ATG16L1: variants seen among roughly 807,000 people sequenced by gnomAD.
The protein encoded by ATG16L1 is autophagy-related protein 16-1.
A neutral mutation model predicts 88.5 loss-of-function variants in ATG16L1; 37 were observed. That is an observed-to-expected ratio of 0.42 (90% CI 0.32 to 0.55). ATG16L1 has a LOEUF of 0.55. Ranked by LOEUF, ATG16L1 falls within the 20% of genes least tolerant of loss-of-function variation. The probability of loss-of-function intolerance (pLI) is 0.13; values close to 1 mark genes in which losing one functional copy is unlikely to be tolerated. For synonymous variants in ATG16L1, 301 were observed against 281.0 expected (o/e 1.07, Z -0.71); for missense variants, 554 against 752.8 (o/e 0.74, Z 3.09).
intron 17 of ATG16L1, among the ~76,000 whole-genome samples, chr2:233,293,622 G>A (rs1260333832): frequency 0.038 from 1 of 26 alleles, no homozygotes; most frequent in African/African-American, 0.12. Context: ...TGACTCTTTG[G>A]TTATGTCCAC....
Position 233,294,249 on chromosome 2 carries a change from C to T in ATG16L1, c.1731-8C>T. ...AAACTTGGTGCTTTTCTGATCTCTCCTTTGAAGCTCATCCATCAATGCGGT... is the reference window on the plus strand; with the variant it reads ...AAACTTGGTGCTTTTCTGATCTCTCTTTTGAAGCTCATCCATCAATGCGGT... On this transcript the variant is annotated splice_region_variant and splice_polypyrimidine_tract_variant and intron_variant, in intron 17 of 17. Transcript: ENST00000392017. 3.8e-6 allele frequency: 6 copies of T among 1,593,176 alleles called. No homozygotes were observed. The highest frequency in any genetic ancestry group is 1.8e-5 in the Admixed American group (1 of 56,894).
chr2:233,290,254 A>G lies in ATG16L1; in HGVS notation c.1331A>G (p.Lys444Arg). 6.2e-7 allele frequency: 1 copy of G among 1,614,160 alleles called. No homozygotes were observed. Among genetic ancestry groups the G allele is most frequent in the East Asian group, 2.2e-5 (1 of 44,884 alleles). ...ATGTTTGCATTTCTTTCAGGCATAA[A>G]GACAGTGTTTGCAGGATCCAGTTGC... The part of the protein sequence containing the change: ...LWDLRSKVCI[K>R]TVFAGSSCND... The change falls in exon 14 of 18, where the codon AAG (lysine) becomes AGG (arginine). Residue 444 changes from lysine (K) to arginine (R), a missense_variant. Physicochemically the swap from Lys to Arg is conservative, Grantham distance 26. Around this residue, in one of 5 missense-constraint regions of ATG16L1, gnomAD observed 370 missense variants for 509.7 expected, o/e 0.73. Coordinates refer to ENST00000392017, the MANE Select transcript of ATG16L1 (RefSeq NM_030803.7).
At chr2:233,265,348 C>T (rs1296597621) in intron 5 of ATG16L1, among the ~76,000 whole-genome samples, 1 of 152,168 alleles carries the variant, frequency 6.6e-6, no homozygotes, top group Non-Finnish European at 1.5e-5. Flanking sequence ...GAATTCTTCC[C>T]CATAATTTTG....
At chr2:233,290,480 C>T in intron 14 of ATG16L1, 127 bp downstream of exon 14, 1 of 722,944 alleles carries the variant, frequency 1.4e-6, no homozygotes, top group Non-Finnish European at 2.4e-6. Context: ...ATAGTGTTAG[C>T]TTATTAACAC....
intron 5 of ATG16L1, among the ~76,000 whole-genome samples, chr2:233,269,132 C>A (rs1162111823): frequency 6.6e-6 from 1 of 152,126 alleles, no homozygotes; most frequent in Non-Finnish European, 1.5e-5. Flanking sequence ...TTTGTCACAG[C>A]CAAGACTTCT....
At chr2:233,275,857 G>A in intron 9 of ATG16L1, 2 of 519,222 alleles carry the variant, frequency 3.9e-6, no homozygotes, top group Non-Finnish European at 7.7e-6. Context: ...TGGAGCAGCT[G>A]ATAATTTGGG....
chr2:233,275,512 TA>T, intron 9 of ATG16L1: 1 of 349,378 alleles, frequency 2.9e-6, no homozygotes, highest in Non-Finnish European at 5.7e-6. Context: ...GATTTTGCCG[TA>T]AAAATGGGAT....
Position 233,286,621 on chromosome 2 carries a change from C to CATTTTTTTTTTT in ATG16L1, c.1204-3233_1204-3232insATTTTTTTTTTT, listed in dbSNP as rs34087184. Reference sequence around the variant, plus strand: ...AGAATAAGGTGAGCAGAAGCCCAAACTTTTTTTTTTTTTTTTTTTTTTGAG... The same window carrying CATTTTTTTTTTT: ...AGAATAAGGTGAGCAGAAGCCCAAACATTTTTTTTTTTTTTTTTTTTTTTTTTTTTTTTTGAG... On this transcript the variant is annotated intron_variant, in intron 12 of 17. Transcript: ENST00000392017. 1.4e-3 allele frequency among the ~76,000 whole-genome samples: 126 copies of CATTTTTTTTTTT among 93,266 alleles called. 5 individuals carry two copies. The highest frequency in any genetic ancestry group is 7.5e-3 in the South Asian group (17 of 2,272). 61.2% of individuals were successfully genotyped at this position (93,266 alleles called of 152,430 possible).
chr2:233,278,762 C>T (rs747427060), intron 10 of ATG16L1, among the ~76,000 whole-genome samples: 4 of 152,094 alleles, frequency 2.6e-5, no homozygotes, highest in Non-Finnish European at 5.9e-5. Flanking sequence ...AGTAAAGCAC[C>T]CCTCCTATCT....
Position 233,290,270 on chromosome 2 carries a change from A to G in ATG16L1, c.1347A>G (p.Gly449=). The change falls in exon 14 of 18, where the codon GGA becomes GGG. Residue 449 remains glycine (G), a synonymous_variant. Transcript: ENST00000392017. ...CAGGCATAAAGACAGTGTTTGCAGG[A>G]TCCAGTTGCAATGATATTGTCTGCA... ...SKVCIKTVFA[G]SSCNDIVCTE... is the part of the protein sequence containing the mutation. 2 of 1,614,174 alleles carry G rather than the reference A, an allele frequency of 1.2e-6. No homozygotes were observed. Among genetic ancestry groups the G allele is most frequent in the Non-Finnish European group, 1.7e-6 (2 of 1,180,024 alleles).
In ATG16L1 at chr2:233,253,332, GTTTTTTTGTTTTTT is replaced by G. The variant is rs1205470449; in HGVS notation, c.115+1398_115+1411del. On this transcript the variant is annotated intron_variant, in intron 1 of 17. Transcript: ENST00000392017. ...CACAGCAGGTTAATGGTGAGACTGG[GTTTTTTTGTTTTTT>G]TTTTTTTTTTTTTTTGGAGACAGAG... Among the ~76,000 whole-genome samples the G allele has an allele frequency of 3.1e-4, 35 of 112,912 alleles. 1 individual carries two copies. Among genetic ancestry groups the G allele is most frequent in the South Asian group, 1.3e-3 (4 of 3,154 alleles). The allele number at this position is 112,912 out of a possible 152,430, so 74.1% of individuals were successfully genotyped here.
intron 9 of ATG16L1, chr2:233,275,563 G>A: frequency 2.7e-6 from 1 of 376,478 alleles, no homozygotes. Context: ...CAGGTATAAG[G>A]AGGGACTTAG....
Position 233,274,782 on chromosome 2 carries a change from A to G in ATG16L1, c.954+4A>G. On this transcript the variant is annotated splice_donor_region_variant and intron_variant, in intron 9 of 17. Transcript: ENST00000392017. ...AGCTACTGCCTTGTGTGTCTTCGTA[A>G]GTATGCTTCAGCCCCGAACCCTACC... is the stretch of plus-strand genomic sequence containing the variant. The G allele has an allele frequency of 6.2e-7, 1 of 1,604,736 alleles. No homozygotes were observed. The highest frequency in any genetic ancestry group is 8.5e-7 in the Non-Finnish European group (1 of 1,171,764).
At chr2:233,274,935 T>C (rs968262777) in intron 9 of ATG16L1, among the ~76,000 whole-genome samples, 157 bp downstream of exon 9, 1 of 152,226 alleles carries the variant, frequency 6.6e-6, no homozygotes, top group Non-Finnish European at 1.5e-5. Context: ...GAAATTGATA[T>C]ATTTTGCTTA....
intron 16 of ATG16L1, among the ~76,000 whole-genome samples, 200 bp from the exon 17 acceptor site, chr2:233,293,056 T>TC (rs1266901369): frequency 7.9e-5 from 12 of 152,214 alleles, no homozygotes; most frequent in Admixed American, 5.2e-4. Context: ...ATGCCACTGT[T>TC]CATTAGCCGG....
chr2:233,292,483 T>C lies in ATG16L1; in HGVS notation c.1628+49T>C, dbSNP rs776299175. 4 of 1,609,960 alleles carry C rather than the reference T, an allele frequency of 2.5e-6. No homozygotes were observed. In the South Asian group the frequency reaches 3.3e-5, roughly 13 times the overall value. On this transcript the variant is annotated intron_variant, in intron 16 of 17. Transcript: ENST00000392017. ...CAATTTGGTTCATCACAAAGAGTCCTGCATGGGCATTTTCCCACTGGGGAT... is the reference window on the plus strand; with the variant it reads ...CAATTTGGTTCATCACAAAGAGTCCCGCATGGGCATTTTCCCACTGGGGAT...
intron 11 of ATG16L1, 125 bp from the exon 12 acceptor site, chr2:233,282,557 A>G (rs748496806): frequency 8.8e-6 from 7 of 798,006 alleles, no homozygotes; most frequent in Non-Finnish European, 1.5e-5. Flanking sequence ...GCTGGTATTC[A>G]GGCTGGTTGT....
At chr2:233,273,320 T>A in intron 7 of ATG16L1, 1 of 509,830 alleles carries the variant, frequency 2.0e-6, no homozygotes, top group East Asian at 3.3e-5. Flanking sequence ...GAAACCTTAT[T>A]AAGCAGAATG....
At chr2:233,274,504 G>C in intron 8 of ATG16L1, 172 bp from the exon 9 acceptor site, 1 of 528,014 alleles carries the variant, frequency 1.9e-6, no homozygotes, top group South Asian at 2.7e-5. Context: ...TTTGAGTGAG[G>C]GTGCTTTTGA....
Sources: gnomAD v4.1 joint callset for allele counts (sites outside exome capture counted in the v4.1 genomes callset) on GRCh38, gnomAD v4.1.1 for gene constraint, gnomAD v4.1.1 regional missense constraint, MANE v1.5 for transcripts, NCBI Gene and HGNC (gene_info 2026-07-23, HGNC 2026-07-21) for gene names.